Variants in KANK1 observed in about 807,000 individuals in gnomAD.
The protein encoded by KANK1 is KN motif and ankyrin repeat domain-containing protein 1.
A neutral mutation model predicts 106.2 loss-of-function variants in KANK1; 109 were observed. That is an observed-to-expected ratio of 1.03 (90% CI 0.88 to 1.20). KANK1 has a LOEUF of 1.20. KANK1 is among the 50% of genes most tolerant of loss of function. The pLI, the probability that KANK1 is intolerant of heterozygous loss-of-function variation, is 0.00. For synonymous variants in KANK1, 873 were observed against 652.2 expected, an observed-to-expected ratio of 1.34 and a Z score of -5.16; for missense variants, 2,399 against 1,710.7, an observed-to-expected ratio of 1.40 and a Z score of -7.10.
chr9:564,141 G>T (rs200042087), intron 1 of KANK1, among the ~76,000 whole-genome samples: 1 of 151,012 alleles, frequency 6.6e-6, no homozygotes, highest in Non-Finnish European at 1.5e-5. Context: ...CTCACTGCAA[G>T]CTCCGCCTCC....
At chr9:692,054 A>G (rs1028648096) in intron 2 of KANK1, among the ~76,000 whole-genome samples, 11 of 152,178 alleles carry the variant, frequency 7.2e-5, no homozygotes, top group African/African-American at 2.6e-4. Flanking sequence ...ACAGAGATCA[A>G]CAAAGATGAC....
intron 3 of KANK1, among the ~76,000 whole-genome samples, chr9:490,268 A>G (rs892350588): frequency 6.6e-6 from 1 of 152,188 alleles, no homozygotes; most frequent in Non-Finnish European, 1.5e-5. Flanking sequence ...TTGGGAGCCC[A>G]AAAAAGGTGG....
chr9:607,648 C>T (rs72689671), intron 1 of KANK1, among the ~76,000 whole-genome samples: 3,045 of 151,728 alleles, frequency 0.02, 183 homozygotes, highest in African/African-American at 0.071. Context: ...CAGTCCAGGA[C>T]GGCTAGCCTT....
chr9:485,869 CAA>C (rs58910749), intron 3 of KANK1, among the ~76,000 whole-genome samples: 26,734 of 98,054 alleles, frequency 0.27, 2,802 homozygotes, highest in East Asian at 0.53. Context: ...AGAATTGTCT[CAA>C]AAAAAAAAAA....
intron 1 of KANK1, among the ~76,000 whole-genome samples, chr9:594,852 A>G (rs563770924): frequency 1.3e-5 from 2 of 151,960 alleles, no homozygotes; most frequent in East Asian, 1.9e-4. Flanking sequence ...TCCTCTTTCA[A>G]CCTTTAATGT....
intron 1 of KANK1, among the ~76,000 whole-genome samples, chr9:560,514 C>T (rs1436099721): frequency 6.6e-6 from 1 of 152,186 alleles, no homozygotes; most frequent in Admixed American, 6.5e-5. Context: ...TGTAGGGAGA[C>T]TTTAGAGGCA....
At chr9:543,373 T>C (rs936096439) in intron 1 of KANK1, among the ~76,000 whole-genome samples, 1 of 151,892 alleles carries the variant, frequency 6.6e-6, no homozygotes, top group African/African-American at 2.4e-5. Context: ...CTGGCCAACA[T>C]GGTGAAACCC....
At chr9:523,239 CCTT>C (rs1210354833) in intron 1 of KANK1, among the ~76,000 whole-genome samples, 2 of 151,712 alleles carry the variant, frequency 1.3e-5, no homozygotes, top group Non-Finnish European at 2.9e-5. Flanking sequence ...CCCCCAAACT[CCTT>C]CTCCCCACAG....
At position 745,430 on chromosome 9, in the gene KANK1, G is replaced by A. The variant is rs115434462; in HGVS notation, c.*195G>A. ...GGGCACACACACCTCCTTTCTGGCC[G>A]TCTTCTGTGTAGGGCACACTTTAAC... On this transcript the variant is annotated 3_prime_UTR_variant, in exon 12 of 12. Transcript: ENST00000382297. The A allele has an allele frequency of 1.6e-3, 950 of 581,162 alleles. 8 individuals carry two copies. Among genetic ancestry groups the A allele is most frequent in the African/African-American group, 0.015 (806 of 53,082 alleles). The allele number at this position is 581,162 out of a possible 1,614,324, so 36.0% of individuals were successfully genotyped here. A position where few individuals can be genotyped will look rare whatever the true frequency, so the allele number is the denominator to read the frequency against.
upstream of KANK1, among the ~76,000 whole-genome samples, chr9:499,714 G>A (rs1373047705): frequency 6.6e-6 from 1 of 152,206 alleles, no homozygotes; most frequent in African/African-American, 2.4e-5. Flanking sequence ...CCCTTTTGGG[G>A]ACTTTTGGTT....
chr9:688,225 T>C (rs1563988905), intron 2 of KANK1, among the ~76,000 whole-genome samples: 1 of 152,308 alleles, frequency 6.6e-6, no homozygotes, highest in East Asian at 1.9e-4. Context: ...TTTTACTGTG[T>C]CACACACACA....
At chr9:631,640 GCTC>G (rs1835766707) in intron 1 of KANK1, among the ~76,000 whole-genome samples, 1 of 152,188 alleles carries the variant, frequency 6.6e-6, no homozygotes, top group Non-Finnish European at 1.5e-5. Flanking sequence ...TGGCTTCTGA[GCTC>G]AGGTGTCTTT....
Position 740,832 on chromosome 9 carries a change from C to G in KANK1, c.3594C>G (p.Thr1198=). Reference sequence around the variant, plus strand: ...ATCACCAGAACAAGGCAGGCTACACCCCCATCATGTTGGCGGCCCTCGCCG... The same window carrying G: ...ATCACCAGAACAAGGCAGGCTACACGCCCATCATGTTGGCGGCCCTCGCCG... ...NVDHQNKAGY[T]PIMLAALAAV... The change falls in exon 9 of 12, where the codon ACC becomes ACG. Residue 1198 remains threonine (T), a synonymous_variant. Transcript: ENST00000382297. 6.2e-7 allele frequency: 1 copy of G among 1,613,974 alleles called. No homozygotes were observed. The highest frequency in any genetic ancestry group is 8.5e-7 in the Non-Finnish European group (1 of 1,180,002).
intron 1 of KANK1, among the ~76,000 whole-genome samples, chr9:506,941 C>T (rs1342187665): frequency 6.6e-6 from 1 of 152,136 alleles, no homozygotes; most frequent in South Asian, 2.1e-4. Context: ...AAAAGTTGGA[C>T]ACTTCACTCG....
chr9:518,493 A>G (rs10974958), intron 1 of KANK1, among the ~76,000 whole-genome samples: 2,046 of 151,596 alleles, frequency 0.013, 105 homozygotes, highest in African/African-American at 0.046. Context: ...GATGTAGGGG[A>G]GGGGTTCGGA....
At chr9:518,580 AATATT>A (rs1434665175) in intron 1 of KANK1, among the ~76,000 whole-genome samples, 1 of 151,772 alleles carries the variant, frequency 6.6e-6, no homozygotes, top group Non-Finnish European at 1.5e-5. Flanking sequence ...TTTGGAAAGA[AATATT>A]GATATTGTCA....
chr9:594,705 G>C (rs558231644), intron 1 of KANK1, among the ~76,000 whole-genome samples: 2 of 151,720 alleles, frequency 1.3e-5, no homozygotes, highest in African/African-American at 2.4e-5. Context: ...GTGTCTGAAG[G>C]TTCAAAAATA....
chr9:581,119 G>A (rs1319559937), intron 1 of KANK1, among the ~76,000 whole-genome samples: 2 of 152,156 alleles, frequency 1.3e-5, no homozygotes, highest in Admixed American at 1.3e-4. Flanking sequence ...TGGCCCGCGA[G>A]CGTTGTGTGC....
chr9:716,631 C>A (rs940352196), intron 3 of KANK1, among the ~76,000 whole-genome samples: 2 of 152,146 alleles, frequency 1.3e-5, no homozygotes, highest in Non-Finnish European at 2.9e-5. Context: ...GAATTCTGTT[C>A]ATTTCTCCTA....
Sources: gnomAD v4.1 joint callset for allele counts (sites outside exome capture counted in the v4.1 genomes callset) on GRCh38, gnomAD v4.1.1 for gene constraint, MANE v1.5 for transcripts, NCBI Gene and HGNC (gene_info 2026-07-23, HGNC 2026-07-21) for gene names.